The following STIM1 variants were observed in gnomAD, a reference collection of about 807,000 sequenced individuals.
STIM1 encodes stromal interaction molecule 1.
A neutral mutation model predicts 74.7 loss-of-function variants in STIM1; 25 were observed. The observed-to-expected ratio is 0.33, with a 90% CI of 0.24 to 0.47. STIM1 has a LOEUF of 0.47. Among genes scored for constraint, STIM1 ranks in the 20% least tolerant of loss-of-function variants. The pLI is 1.00. For missense variants in STIM1, 728 were observed against 920.8 expected, an observed-to-expected ratio of 0.79 and a Z score of 2.71; for synonymous variants, 328 against 348.8, an observed-to-expected ratio of 0.94 and a Z score of 0.66.
intron 11 of STIM1, 124 bp from the exon 12 acceptor site, chr11:4,086,353 A>C: frequency 9.2e-7 from 1 of 1,086,004 alleles, no homozygotes; most frequent in Non-Finnish European, 1.3e-6. Context: ...GAGGTGCCCC[A>C]TTCTCCAGAT....
intron 2 of STIM1, among the ~76,000 whole-genome samples, chr11:4,021,421 C>A (rs568672623): frequency 1.3e-5 from 2 of 152,194 alleles, no homozygotes; most frequent in African/African-American, 2.4e-5. Flanking sequence ...CCACCGTGCC[C>A]GGCCCCCAGT....
Position 3,992,088 on chromosome 11 carries a change from TG to T in STIM1, c.270+24407del, listed in dbSNP as rs1466564080. Among the ~76,000 whole-genome samples the T allele has an allele frequency of 6.5e-3, 875 of 135,422 alleles. 74 individuals carry two copies. The highest frequency in any genetic ancestry group is 0.024 in the African/African-American group (805 of 33,750). 88.8% of individuals were successfully genotyped at this position (135,422 alleles called of 152,430 possible). On this transcript the variant is annotated intron_variant, in intron 2 of 12. Transcript: ENST00000526596. ...GCAGCCTTGCCAACATCTGTTTTTT[TG>T]TTTTTTTTTTTTTTTTTTTTTTAGT...
At chr11:3,874,747 C>T (rs574959918) in intron 1 of STIM1, among the ~76,000 whole-genome samples, 31 of 152,292 alleles carry the variant, frequency 2.0e-4, no homozygotes, top group Admixed American at 1.1e-3. Context: ...TGACTATTCC[C>T]GCTCCTGCAA....
In STIM1 at chr11:4,091,995, G is replaced by C. The variant is rs1321658660; in HGVS notation, c.*197G>C. On this transcript the variant is annotated 3_prime_UTR_variant, in exon 13 of 13. Coordinates refer to ENST00000526596, the MANE Select transcript of STIM1 (RefSeq NM_001382567.1). Reference sequence around the variant, plus strand: ...ATTTATTAACTGACCACCATGGCCTGCCTGCCCTGCCTCCGTCCCAACCAT... The same window carrying C: ...ATTTATTAACTGACCACCATGGCCTCCCTGCCCTGCCTCCGTCCCAACCAT... The C allele has an allele frequency of 1.5e-5, 11 of 719,612 alleles. No homozygotes were observed. In the East Asian group the frequency reaches 2.8e-4, roughly 18 times the overall value. 44.6% of individuals were successfully genotyped at this position (719,612 alleles called of 1,614,324 possible). A position where few individuals can be genotyped will look rare whatever the true frequency, so the allele number is the denominator to read the frequency against.
chr11:3,897,484 T>TTTTG (rs528893117), intron 1 of STIM1, among the ~76,000 whole-genome samples: 5 of 152,108 alleles, frequency 3.3e-5, no homozygotes, highest in Non-Finnish European at 5.9e-5. Context: ...GTACAGTGCT[T>TTTTG]TTTGTTTGTT....
At chr11:4,021,271 A>T (rs1043182119) in intron 2 of STIM1, among the ~76,000 whole-genome samples, 2 of 152,056 alleles carry the variant, frequency 1.3e-5, no homozygotes, top group Non-Finnish European at 2.9e-5. Flanking sequence ...GATTACAGGC[A>T]TGTGCCACCA....
rs575876895 is a variant in STIM1 at position 3,910,878 on chromosome 11, C to T, written c.139+54469C>T. ...GTGCCTGCCTATAATCCCAGCTACT[C>T]AGGAGGCTGAGGCAGGAGAATCGCT... On this transcript the variant is annotated intron_variant, in intron 1 of 12. Coordinates refer to ENST00000526596, the MANE Select transcript of STIM1 (RefSeq NM_001382567.1). Among the ~76,000 whole-genome samples, 5 of 151,738 alleles carry T rather than the reference C, an allele frequency of 3.3e-5. No homozygotes were observed. In the South Asian group the frequency reaches 1.0e-3, roughly 32 times the overall value.
At chr11:3,884,571 G>A (rs1037373936) in intron 1 of STIM1, among the ~76,000 whole-genome samples, 1 of 152,170 alleles carries the variant, frequency 6.6e-6, no homozygotes, top group Non-Finnish European at 1.5e-5. Context: ...AATAGCCTTG[G>A]GAACTTGGGG....
At chr11:4,019,333 T>TA (rs1287230844) in intron 2 of STIM1, among the ~76,000 whole-genome samples, 1 of 152,092 alleles carries the variant, frequency 6.6e-6, no homozygotes, top group Non-Finnish European at 1.5e-5. Flanking sequence ...ATATTTTATT[T>TA]AAAAACATTT....
intron 7 of STIM1, among the ~76,000 whole-genome samples, chr11:4,078,564 C>T (rs2094449010): frequency 6.6e-6 from 1 of 151,198 alleles, no homozygotes; most frequent in African/African-American, 2.4e-5. Flanking sequence ...GTTCTTAGGA[C>T]TCTACTTTTT....
chr11:4,090,155 C>A (rs903613191), intron 12 of STIM1, among the ~76,000 whole-genome samples: 2 of 152,156 alleles, frequency 1.3e-5, no homozygotes, highest in African/African-American at 2.4e-5. Context: ...CTTGGCAGGC[C>A]TCATCATCTT....
intron 1 of STIM1, among the ~76,000 whole-genome samples, chr11:3,957,170 C>A (rs2093225622): frequency 6.6e-6 from 1 of 152,130 alleles, no homozygotes; most frequent in South Asian, 2.1e-4. Context: ...ATATGAGGTG[C>A]AAAGTCAGAA....
chr11:4,092,073 C>A lies in STIM1; in HGVS notation c.*275C>A. Reference sequence around the variant, plus strand: ...TTCAGTGCATGTCTTAGTTGCTGTTCCCTCAGCTCCCAGCTCCACCTCTGG... The same window carrying A: ...TTCAGTGCATGTCTTAGTTGCTGTTACCTCAGCTCCCAGCTCCACCTCTGG... On this transcript the variant is annotated 3_prime_UTR_variant, in exon 13 of 13. Transcript: ENST00000526596. The A allele has an allele frequency of 7.9e-6, 4 of 509,236 alleles. No homozygotes were observed. Among genetic ancestry groups the A allele is most frequent in the Non-Finnish European group, 1.4e-5 (4 of 280,736 alleles). The allele number at this position is 509,236 out of a possible 1,614,324, so 31.5% of individuals were successfully genotyped here.
intron 2 of STIM1, among the ~76,000 whole-genome samples, chr11:4,013,809 A>C (rs2093866942): frequency 1.4e-5 from 2 of 141,420 alleles, no homozygotes. Flanking sequence ...GTTTCACGCC[A>C]TTCTCCTGCC....
chr11:4,063,162 T>C (rs4910878), intron 5 of STIM1, among the ~76,000 whole-genome samples: 7,250 of 152,322 alleles, frequency 0.048, 430 homozygotes, highest in East Asian at 0.23. Context: ...CATTTCTTTT[T>C]GGGGTAATGA....
At chr11:3,976,988 T>C (rs1000371709) in intron 2 of STIM1, among the ~76,000 whole-genome samples, 3 of 152,104 alleles carry the variant, frequency 2.0e-5, no homozygotes, top group Admixed American at 6.5e-5. Flanking sequence ...AGAGATGGGG[T>C]TTCGCCATGT....
At chr11:3,916,289 T>A (rs867143476) in intron 1 of STIM1, among the ~76,000 whole-genome samples, 9,300 of 148,770 alleles carry the variant, frequency 0.063, 815 homozygotes, top group African/African-American at 0.2. Flanking sequence ...TCAGTAATGT[T>A]TTTTTTTTTT....
chr11:3,989,680 A>C (rs2093590983), intron 2 of STIM1, among the ~76,000 whole-genome samples: 1 of 152,242 alleles, frequency 6.6e-6, no homozygotes, highest in Non-Finnish European at 1.5e-5. Context: ...TATGAAATTG[A>C]AATTTCAGTG....
intron 1 of STIM1, among the ~76,000 whole-genome samples, chr11:3,869,588 G>T (rs544279824): frequency 6.6e-6 from 1 of 152,134 alleles, no homozygotes; most frequent in African/African-American, 2.4e-5. Flanking sequence ...AAGAGTCTTT[G>T]GGGGGCAGTA....
Sources: gnomAD v4.1 joint callset for allele counts (sites outside exome capture counted in the v4.1 genomes callset) on GRCh38, gnomAD v4.1.1 for gene constraint, MANE v1.5 for transcripts, NCBI Gene and HGNC (gene_info 2026-07-23, HGNC 2026-07-21) for gene names.